The following PDS5B variants were observed in gnomAD, a reference collection of about 807,000 sequenced individuals.
The protein encoded by PDS5B is PDS5 cohesin associated factor B, also known as sister chromatid cohesion protein PDS5 homolog B.
PDS5B carries 51 observed loss-of-function variants against 184.1 expected under a neutral mutation model. That is an observed-to-expected ratio of 0.28 (90% CI 0.22 to 0.35). The LOEUF (loss-of-function observed/expected upper bound fraction) is 0.35. Ranked by LOEUF, PDS5B falls within the 10% of genes least tolerant of loss-of-function variation. PDS5B has a pLI of 1.00. For missense variants in PDS5B, 1,180 were observed against 1,723.3 expected (o/e 0.68, Z 5.58); for synonymous variants, 566 against 569.2 (o/e 0.99, Z 0.08).
At chr13:32,587,319 GAGGA>G (rs1479191819) in intron 1 of PDS5B, among the ~76,000 whole-genome samples, 1 of 152,102 alleles carries the variant, frequency 6.6e-6, no homozygotes, top group Non-Finnish European at 1.5e-5. Context: ...GCAGCCAGTT[GAGGA>G]AGAGCCCAGC....
In PDS5B at chr13:32,675,865, C is replaced by T; in HGVS notation, c.868C>T (p.Leu290=). The T allele has an allele frequency of 6.2e-7, 1 of 1,611,444 alleles. No individual in the cohort carries two copies. Among genetic ancestry groups the T allele is most frequent in the South Asian group, 1.1e-5 (1 of 91,032 alleles). ...TTAGAGCAATGATAATGAGGAGCGC[C>T]TACAAGTTGTTAAACTACTGGCAAA... ...KLKSNDNEER[L]QVVKLLAKMF... The change falls in exon 9 of 35, where the codon CTA becomes TTA. Residue 290 remains leucine, a synonymous_variant. Coordinates refer to ENST00000315596, the MANE Select transcript of PDS5B (RefSeq NM_015032.4).
intron 33 of PDS5B, 128 bp from the exon 34 acceptor site, chr13:32,773,061 T>C: frequency 1.4e-6 from 1 of 712,116 alleles, no homozygotes; most frequent in South Asian, 2.2e-5. Context: ...TAAAGAAATG[T>C]TCTTGTCTCA....
intron 1 of PDS5B, among the ~76,000 whole-genome samples, chr13:32,593,318 T>A (rs1468988609): frequency 6.6e-6 from 1 of 152,246 alleles, no homozygotes; most frequent in Non-Finnish European, 1.5e-5. Flanking sequence ...TTTATTTCTC[T>A]GAACTTTGGT....
chr13:32,718,512 A>G (rs986105688), intron 19 of PDS5B, among the ~76,000 whole-genome samples: 2 of 152,160 alleles, frequency 1.3e-5, no homozygotes, highest in Non-Finnish European at 2.9e-5. Flanking sequence ...TCATAACATA[A>G]TTAATATCTC....
chr13:32,587,626 T>TG (rs990252349), intron 1 of PDS5B, among the ~76,000 whole-genome samples: 1 of 152,186 alleles, frequency 6.6e-6, no homozygotes, highest in Non-Finnish European at 1.5e-5. Flanking sequence ...TGCAGGCTGC[T>TG]GCGTTCCTTG....
intron 20 of PDS5B, among the ~76,000 whole-genome samples, chr13:32,734,638 C>G (rs1566389568): frequency 1.3e-5 from 2 of 152,264 alleles, no homozygotes; most frequent in East Asian, 3.9e-4. Context: ...CCACTGGATC[C>G]TTGGCATCAA....
rs530452834 is a variant in PDS5B, at chr13:32,606,732, A to C, written c.-20+20139A>C. 7.9e-5 allele frequency among the ~76,000 whole-genome samples: 12 copies of C among 152,268 alleles called. No homozygotes were observed. The East Asian group carries it at 2.3e-3, about 29-fold the overall frequency. On this transcript the variant is annotated intron_variant, in intron 1 of 34. Coordinates refer to ENST00000315596, the MANE Select transcript of PDS5B (RefSeq NM_015032.4). The stretch of plus-strand genomic sequence containing the variant: ...TCAGATGTAGATTTGGTCTTTTCAC[A>C]TAGTCCCATATTTCTTGGCTTTGTT...
At position 32,688,527 on chromosome 13, in the gene PDS5B, G is replaced by T; in HGVS notation, c.1427G>T (p.Cys476Phe). 6.2e-7 allele frequency: 1 copy of T among 1,607,336 alleles called. No individual in the cohort carries two copies. Among genetic ancestry groups the T allele is most frequent in the Non-Finnish European group, 8.5e-7 (1 of 1,174,122 alleles). ...HNLETTERMK[C>F]LYYLYATLDL... ...TTAGAAACTACAGAACGGATGAAAT[G>T]CTTATATTACTTGTATGCCACACTG... is the stretch of plus-strand genomic sequence containing the variant. The change falls in exon 13 of 35, where the codon TGC (cysteine) becomes TTC (phenylalanine). Residue 476 changes from cysteine (C) to phenylalanine (F), a missense_variant. Cys to Phe is a radical substitution (Grantham distance 205, BLOSUM62 -2). This residue lies in a region of PDS5B where 475 missense variants were observed against 691.5 expected (regional missense o/e 0.69). Transcript: ENST00000315596.
chr13:32,761,322 A>T (rs558471672), intron 30 of PDS5B, among the ~76,000 whole-genome samples: 9 of 152,220 alleles, frequency 5.9e-5, no homozygotes, highest in East Asian at 5.8e-4. Context: ...TCGTTTTTTT[A>T]AAAGTGTGTT....
At chr13:32,735,924 T>C (rs1953314261) in intron 21 of PDS5B, among the ~76,000 whole-genome samples, 1 of 152,164 alleles carries the variant, frequency 6.6e-6, no homozygotes, top group Non-Finnish European at 1.5e-5. Flanking sequence ...TTTCAGTTTG[T>C]CCTGTCAGTT....
chr13:32,683,824 T>G (rs1261648270), intron 10 of PDS5B, 54 bp from the exon 11 acceptor site: 16 of 1,239,672 alleles, frequency 1.3e-5, no homozygotes, highest in Non-Finnish European at 1.9e-5. Context: ...ATGCAGTGTT[T>G]TAAAAATATT....
chr13:32,651,792 A>G lies in PDS5B; in HGVS notation c.109-12A>G. The G allele has an allele frequency of 6.5e-7, 1 of 1,530,904 alleles. No individual in the cohort carries two copies. The highest frequency in any genetic ancestry group is 9.0e-7 in the Non-Finnish European group (1 of 1,111,676). 94.8% of individuals were successfully genotyped at this position (1,530,904 alleles called of 1,614,324 possible). A position where few individuals can be genotyped will look rare whatever the true frequency, so the allele number is the denominator to read the frequency against. ...GGAGCATTTCATTATTTGATTTTTT[A>G]TTTTTGTATAGATGGTTGTGAAAAC... On this transcript the variant is annotated splice_polypyrimidine_tract_variant and intron_variant, in intron 2 of 34. Coordinates refer to ENST00000315596, the MANE Select transcript of PDS5B (RefSeq NM_015032.4).
At chr13:32,632,218 G>T (rs2058467956) in intron 1 of PDS5B, among the ~76,000 whole-genome samples, 1 of 152,014 alleles carries the variant, frequency 6.6e-6, no homozygotes, top group African/African-American at 2.4e-5. Flanking sequence ...TGCATCAAAG[G>T]ACATAAGAAA....
chr13:32,601,819 A>G (rs1053955521), intron 1 of PDS5B, among the ~76,000 whole-genome samples: 3 of 152,198 alleles, frequency 2.0e-5, no homozygotes, highest in African/African-American at 4.8e-5. Flanking sequence ...AGGTATATTC[A>G]AGAGGGAACT....
intron 31 of PDS5B, among the ~76,000 whole-genome samples, chr13:32,766,965 T>C (rs1429419792): frequency 6.6e-6 from 1 of 152,150 alleles, no homozygotes; most frequent in Admixed American, 6.5e-5. Context: ...ATTTAACATT[T>C]CTTTTACCTT....
At position 32,732,207 on chromosome 13, in the gene PDS5B, T is replaced by G. The variant is rs1355073020; in HGVS notation, c.2230T>G (p.Phe744Val). The change falls in exon 20 of 35, where the codon TTT becomes GTT. Residue 744 changes from phenylalanine to valine, a missense_variant. Coordinates refer to ENST00000315596, the MANE Select transcript of PDS5B (RefSeq NM_015032.4). ...GATATTTTCTAGTAAAGAGACCCAG[T>G]TTGCACAGATATTTGAGGTAATGAG... ...HAIFSSKETQ[F>V]AQIFEPLHKS... The G allele has an allele frequency of 6.2e-7, 1 of 1,607,216 alleles. No individual in the cohort carries two copies. The highest frequency in any genetic ancestry group is 8.5e-7 in the Non-Finnish European group (1 of 1,176,124).
intron 1 of PDS5B, among the ~76,000 whole-genome samples, chr13:32,639,641 ATAAGCT>A: frequency 6.6e-6 from 1 of 152,230 alleles, no homozygotes; most frequent in Non-Finnish European, 1.5e-5. Flanking sequence ...CTCAACAAGA[ATAAGCT>A]AAACTTCTTA....
At chr13:32,711,506 C>T (rs1006158565) in intron 19 of PDS5B, among the ~76,000 whole-genome samples, 2 of 152,052 alleles carry the variant, frequency 1.3e-5, no homozygotes, top group African/African-American at 4.8e-5. Context: ...TACAGGCCTG[C>T]ACCACCACAC....
rs1256358460 is a variant in PDS5B at position 32,660,298 on chromosome 13, T to C, written c.624+1018T>C. Among the ~76,000 whole-genome samples, 3 of 152,308 alleles carry C rather than the reference T, an allele frequency of 2.0e-5. No individual in the cohort carries two copies. In the East Asian group the frequency reaches 5.8e-4, roughly 29 times the overall value. On this transcript the variant is annotated intron_variant, in intron 6 of 34. Transcript: ENST00000315596. The stretch of plus-strand genomic sequence containing the variant: ...TCACCTTGGTGCCCACATCTAGTTA[T>C]AATCCCCATTAATCCATTTTATTAA...
Sources: gnomAD v4.1 joint callset for allele counts (sites outside exome capture counted in the v4.1 genomes callset) on GRCh38, gnomAD v4.1.1 for gene constraint, gnomAD v4.1.1 regional missense constraint, MANE v1.5 for transcripts, NCBI Gene and HGNC (gene_info 2026-07-23, HGNC 2026-07-21) for gene names.